MAGI2: variants seen among roughly 807,000 people sequenced by gnomAD.
MAGI2 encodes membrane-associated guanylate kinase, WW and PDZ domain-containing protein 2.
In MAGI2, 35 loss-of-function variants were observed where a neutral mutation model predicts 133.3. That is an observed-to-expected ratio of 0.26 (90% confidence interval 0.20 to 0.35). MAGI2 has a LOEUF of 0.35. Ranked by LOEUF, MAGI2 falls within the 10% of genes least tolerant of loss-of-function variation. The pLI, the probability that MAGI2 is intolerant of heterozygous loss-of-function variation, is 1.00. For missense variants in MAGI2, 1,636 were observed against 1,863.4 expected, an observed-to-expected ratio of 0.88 and a Z score of 2.25; for synonymous variants, 729 against 710.6, an observed-to-expected ratio of 1.03 and a Z score of -0.41.
intron 4 of MAGI2, among the ~76,000 whole-genome samples, chr7:78,514,052 C>T (rs1795830183): frequency 7.9e-6 from 1 of 126,370 alleles, no homozygotes; most frequent in African/African-American, 3.0e-5. Flanking sequence ...CACTCCATTA[C>T]ACTCCAGCCT....
chr7:78,792,964 C>T (rs1787301646), intron 2 of MAGI2, among the ~76,000 whole-genome samples: 1 of 152,246 alleles, frequency 6.6e-6, no homozygotes, highest in Non-Finnish European at 1.5e-5. Flanking sequence ...ACCGATATGA[C>T]TGGCTCCATG....
At chr7:79,211,466 G>GT (rs540204865) in intron 1 of MAGI2, among the ~76,000 whole-genome samples, 1,569 of 142,950 alleles carry the variant, frequency 0.011, 37 homozygotes, top group East Asian at 0.05. Context: ...TTTCTTTTTT[G>GT]TTTTTTTTTT....
intron 20 of MAGI2, among the ~76,000 whole-genome samples, chr7:78,090,308 T>C (rs1319046150): frequency 6.6e-6 from 1 of 152,254 alleles, no homozygotes; most frequent in African/African-American, 2.4e-5. Flanking sequence ...ACCTACTCAA[T>C]TATAAACTCT....
At chr7:79,118,409 T>C (rs1244377633) in intron 1 of MAGI2, among the ~76,000 whole-genome samples, 1 of 152,180 alleles carries the variant, frequency 6.6e-6, no homozygotes, top group African/African-American at 2.4e-5. Context: ...CCACATTCAT[T>C]CCTACTTGCA....
chr7:78,352,602 G>A (rs1217814818), intron 7 of MAGI2, among the ~76,000 whole-genome samples: 1 of 152,160 alleles, frequency 6.6e-6, no homozygotes, highest in Non-Finnish European at 1.5e-5. Context: ...AATTTCTCCT[G>A]CTCTTCCTGG....
chr7:79,379,826 C>A (rs1371286197), intron 1 of MAGI2, among the ~76,000 whole-genome samples: 1 of 148,156 alleles, frequency 6.7e-6, no homozygotes, highest in Non-Finnish European at 1.5e-5. Flanking sequence ...TTTCTCCCCC[C>A]AACTTTTTTT....
chr7:78,633,202 G>C (rs1809215485), intron 2 of MAGI2, among the ~76,000 whole-genome samples: 1 of 152,158 alleles, frequency 6.6e-6, no homozygotes. Flanking sequence ...GAGAACTTAG[G>C]AACACAAAGT....
rs1563316537 is a variant in MAGI2, at chr7:78,243,277, TCTCTC to T, written c.2047+12661_2047+12665del. Among the ~76,000 whole-genome samples the T allele has an allele frequency of 3.0e-5, 4 of 131,812 alleles. No homozygotes were observed. The East Asian group carries it at 8.1e-4, about 27-fold the overall frequency. 86.5% of individuals were successfully genotyped at this position (131,812 alleles called of 152,430 possible). On this transcript the variant is annotated intron_variant, in intron 10 of 21. Coordinates refer to ENST00000354212, the MANE Select transcript of MAGI2 (RefSeq NM_012301.4). ...CACACACACACACACACACTCTCTC[TCTCTC>T]TCTCTTATAAAACAAATGGGGCAAA... is the stretch of plus-strand genomic sequence containing the variant.
At chr7:78,411,708 T>C (rs1482943353) in intron 6 of MAGI2, among the ~76,000 whole-genome samples, 1 of 152,038 alleles carries the variant, frequency 6.6e-6, no homozygotes, top group Non-Finnish European at 1.5e-5. Context: ...AAATATAAAT[T>C]AGAACATGGA....
In MAGI2 at chr7:78,546,467, T is replaced by C. The variant is rs115674009; in HGVS notation, c.539-24822A>G. Among the ~76,000 whole-genome samples, 263 of 152,276 alleles carry C rather than the reference T, an allele frequency of 1.7e-3. 1 individual carries two copies. Among genetic ancestry groups the C allele is most frequent in the African/African-American group, 6.1e-3 (255 of 41,544 alleles). ...AAATTAAAGAAAAGCATAAGAAAGA[T>C]AGACAAGCCTGCAGGTCTAATTATC... On this transcript the variant is annotated intron_variant, in intron 3 of 21. Coordinates refer to ENST00000354212, the MANE Select transcript of MAGI2 (RefSeq NM_012301.4).
intron 17 of MAGI2, among the ~76,000 whole-genome samples, chr7:78,133,846 C>G (rs1821815318): frequency 6.6e-6 from 1 of 152,112 alleles, no homozygotes; most frequent in Admixed American, 6.6e-5. Context: ...TCTTTTCTCT[C>G]TCTCTTTTTT....
intron 2 of MAGI2, among the ~76,000 whole-genome samples, chr7:78,833,339 A>G (rs1010779782): frequency 6.6e-6 from 1 of 151,888 alleles, no homozygotes; most frequent in Non-Finnish European, 1.5e-5. Context: ...TCACTAAACT[A>G]TCCCTGCCCT....
At chr7:78,307,948 A>G (rs1022957226) in intron 9 of MAGI2, among the ~76,000 whole-genome samples, 1 of 152,194 alleles carries the variant, frequency 6.6e-6, no homozygotes. Flanking sequence ...AGGTGAAATA[A>G]TAAGGGACAA....
intron 2 of MAGI2, among the ~76,000 whole-genome samples, chr7:78,710,473 G>C (rs1347633269): frequency 6.6e-6 from 1 of 152,044 alleles, no homozygotes; most frequent in African/African-American, 2.4e-5. Context: ...TTAGAGAAGT[G>C]AACTACAACA....
intron 2 of MAGI2, among the ~76,000 whole-genome samples, chr7:78,894,129 C>CTGTG (rs1797008325): frequency 6.6e-6 from 1 of 152,166 alleles, no homozygotes; most frequent in Admixed American, 6.5e-5. Context: ...TGGCCGGGCG[C>CTGTG]TGTGGCTCAT....
intron 1 of MAGI2, among the ~76,000 whole-genome samples, chr7:79,056,788 C>A (rs1354359911): frequency 6.6e-6 from 1 of 152,156 alleles, no homozygotes; most frequent in Non-Finnish European, 1.5e-5. Flanking sequence ...TAAAATACTT[C>A]ACAGACAAAA....
intron 12 of MAGI2, among the ~76,000 whole-genome samples, chr7:78,193,459 C>G (rs1202067610): frequency 6.6e-6 from 1 of 152,186 alleles, no homozygotes; most frequent in Admixed American, 6.5e-5. Context: ...GCATATTACT[C>G]ATCTTTGGTA....
chr7:78,546,209 A>T (rs1264760025), intron 3 of MAGI2, among the ~76,000 whole-genome samples: 1 of 152,208 alleles, frequency 6.6e-6, no homozygotes, highest in Non-Finnish European at 1.5e-5. Flanking sequence ...ACATTTAATG[A>T]GATAAGCTTG....
At chr7:78,345,708 C>G (rs921992764) in intron 8 of MAGI2, 47 of 593,862 alleles carry the variant, frequency 7.9e-5, no homozygotes, top group Non-Finnish European at 1.2e-5. Flanking sequence ...GCTGTACATT[C>G]CTATAAAGTA....
Sources: gnomAD v4.1 joint callset for allele counts (sites outside exome capture counted in the v4.1 genomes callset) on GRCh38, gnomAD v4.1.1 for gene constraint, MANE v1.5 for transcripts, NCBI Gene and HGNC (gene_info 2026-07-23, HGNC 2026-07-21) for gene names.